The following FTO variants were observed in gnomAD, a reference collection of about 807,000 sequenced individuals.
FTO encodes alpha-ketoglutarate-dependent dioxygenase FTO.
FTO carries 47 observed loss-of-function variants against 63.9 expected under a neutral mutation model. That is an observed-to-expected ratio of 0.74 (90% CI 0.58 to 0.94). FTO has a LOEUF of 0.94. FTO is among the 40% of genes least tolerant of loss of function. The pLI is 0.00. For missense variants in FTO, 562 were observed against 618.1 expected (o/e 0.91, Z 0.96); for synonymous variants, 207 against 224.4 (o/e 0.92, Z 0.69).
At position 54,118,309 on chromosome 16, in the gene FTO, A is replaced by G. The variant is rs2086985521; in HGVS notation, c.*6394A>G. 1.3e-5 allele frequency: 2 copies of G among 148,984 alleles called. No individual in the cohort carries two copies. Among genetic ancestry groups the G allele is most frequent in the South Asian group, 4.3e-4 (2 of 4,668 alleles). The allele number at this position is 148,984 out of a possible 1,614,324, so 9.2% of individuals were successfully genotyped here. ...ATCCTGTGTGCTTCGGGTAATTCTG[A>G]CCCTCTTCATTAGTGATAATGGCAT... is the stretch of plus-strand genomic sequence containing the variant. On this transcript the variant is annotated 3_prime_UTR_variant, in exon 9 of 9. Coordinates refer to ENST00000471389, the MANE Select transcript of FTO (RefSeq NM_001080432.3).
chr16:54,111,706 TG>T, intron 8 of FTO, 55 bp from the exon 9 acceptor site: 1 of 1,595,894 alleles, frequency 6.3e-7, no homozygotes, highest in Non-Finnish European at 8.6e-7. Flanking sequence ...TCCTGTGGGT[TG>T]GGGTCTTCTG....
At chr16:53,890,993 AT>A (rs556391029) in intron 7 of FTO, among the ~76,000 whole-genome samples, 2,033 of 144,490 alleles carry the variant, frequency 0.014, 17 homozygotes, top group Non-Finnish European at 0.016. Context: ...GCTCTTATTG[AT>A]TTTTTTTTTT....
intron 1 of FTO, among the ~76,000 whole-genome samples, chr16:53,709,884 T>C (rs377632393): frequency 1.5e-3 from 227 of 152,312 alleles, no homozygotes; most frequent in African/African-American, 5.3e-3. Context: ...TTCTCTTGCA[T>C]ACAAATATAA....
chr16:53,812,498 G>A (rs1252447634), intron 2 of FTO, among the ~76,000 whole-genome samples: 2 of 152,128 alleles, frequency 1.3e-5, no homozygotes, highest in African/African-American at 4.8e-5. Flanking sequence ...ACAGGCATGA[G>A]CCATCACATC....
At chr16:53,859,510 TATAA>T (rs1309004282) in intron 4 of FTO, among the ~76,000 whole-genome samples, 2 of 148,886 alleles carry the variant, frequency 1.3e-5, no homozygotes, top group Non-Finnish European at 3.0e-5. Flanking sequence ...TTATATATCA[TATAA>T]ATATATATCA....
intron 7 of FTO, among the ~76,000 whole-genome samples, chr16:53,909,621 T>C (rs1296971267): frequency 7.1e-6 from 1 of 139,994 alleles, no homozygotes; most frequent in Non-Finnish European, 1.5e-5. Flanking sequence ...TGGAGTGCAG[T>C]GGTGCAATCA....
In FTO at chr16:54,117,504, G is replaced by A. The variant is rs542512537; in HGVS notation, c.*5589G>A. 37 of 152,184 alleles carry A rather than the reference G, an allele frequency of 2.4e-4. No homozygotes were observed. In the South Asian group the frequency reaches 6.2e-3, roughly 26 times the overall value. 9.4% of individuals were successfully genotyped at this position (152,184 alleles called of 1,614,324 possible). A position where few individuals can be genotyped will look rare whatever the true frequency, so the allele number is the denominator to read the frequency against. Reference sequence around the variant, plus strand: ...GTCTGGTACTTAAAAATCACGCCACGCATGTACATTATTATGATGAAAAAT... The same window carrying A: ...GTCTGGTACTTAAAAATCACGCCACACATGTACATTATTATGATGAAAAAT... On this transcript the variant is annotated 3_prime_UTR_variant, in exon 9 of 9. Transcript: ENST00000471389.
chr16:53,795,891 C>G (rs1195917949), intron 1 of FTO, among the ~76,000 whole-genome samples: 2 of 151,880 alleles, frequency 1.3e-5, no homozygotes, highest in African/African-American at 4.8e-5. Flanking sequence ...GTCTTTGATT[C>G]AAAAGTGAAG....
intron 8 of FTO, among the ~76,000 whole-genome samples, chr16:53,950,171 A>C (rs1010627653): frequency 2.7e-5 from 4 of 148,680 alleles, no homozygotes; most frequent in Non-Finnish European, 6.0e-5. Flanking sequence ...AAAAAAAAAA[A>C]AAAAAAAACT....
intron 1 of FTO, among the ~76,000 whole-genome samples, chr16:53,793,048 A>T (rs1315195731): frequency 6.6e-6 from 1 of 152,210 alleles, no homozygotes; most frequent in East Asian, 1.9e-4. Flanking sequence ...GCTCAAGGAA[A>T]TTATATTAGT....
At chr16:53,850,135 T>C (rs1033098967) in intron 4 of FTO, among the ~76,000 whole-genome samples, 1 of 152,240 alleles carries the variant, frequency 6.6e-6, no homozygotes, top group African/African-American at 2.4e-5. Flanking sequence ...TAATAAATTA[T>C]AACTTCAGGC....
chr16:53,878,048 C>T (rs972529020), intron 5 of FTO, among the ~76,000 whole-genome samples: 1 of 152,154 alleles, frequency 6.6e-6, no homozygotes, highest in Non-Finnish European at 1.5e-5. Flanking sequence ...CCTGTAATCC[C>T]AGCACTTTGG....
intron 1 of FTO, among the ~76,000 whole-genome samples, chr16:53,754,515 A>G (rs906103189): frequency 7.2e-5 from 11 of 152,156 alleles, no homozygotes; most frequent in African/African-American, 2.7e-4. Flanking sequence ...GCGGATGCCT[A>G]TAATCCCAGC....
chr16:53,922,662 C>A (rs2082034607), intron 7 of FTO, among the ~76,000 whole-genome samples: 1 of 152,148 alleles, frequency 6.6e-6, no homozygotes, highest in African/African-American at 2.4e-5. Context: ...TAACAGCCTG[C>A]AAAGATCTTA....
At chr16:54,105,672 G>T (rs1271454679) in intron 8 of FTO, among the ~76,000 whole-genome samples, 1 of 152,020 alleles carries the variant, frequency 6.6e-6, no homozygotes. Context: ...ATTAGGAGTT[G>T]TTCTCCTCTT....
At chr16:53,921,106 CA>C (rs1339761680) in intron 7 of FTO, among the ~76,000 whole-genome samples, 2 of 152,232 alleles carry the variant, frequency 1.3e-5, no homozygotes, top group African/African-American at 4.8e-5. Context: ...GGGCCGCAGA[CA>C]AAAGGCCTGT....
chr16:53,842,553 G>C (rs1002315063), intron 3 of FTO, among the ~76,000 whole-genome samples: 1 of 152,104 alleles, frequency 6.6e-6, no homozygotes, highest in African/African-American at 2.4e-5. Flanking sequence ...TATCCTTCCA[G>C]AAATGTTGTA....
At chr16:54,108,981 T>C (rs2086817050) in intron 8 of FTO, among the ~76,000 whole-genome samples, 1 of 152,232 alleles carries the variant, frequency 6.6e-6, no homozygotes, top group African/African-American at 2.4e-5. Flanking sequence ...CAGATGTGCC[T>C]TCCAGTAATT....
At chr16:53,967,738 C>T (rs2083227091) in intron 8 of FTO, among the ~76,000 whole-genome samples, 5 of 152,134 alleles carry the variant, frequency 3.3e-5, no homozygotes, top group Admixed American at 6.5e-5. Context: ...AAAGACTAAA[C>T]GAAGTAAAAC....
Sources: gnomAD v4.1 joint callset for allele counts (sites outside exome capture counted in the v4.1 genomes callset) on GRCh38, gnomAD v4.1.1 for gene constraint, MANE v1.5 for transcripts, NCBI Gene and HGNC (gene_info 2026-07-23, HGNC 2026-07-21) for gene names.